GULP1: variants seen among roughly 807,000 people sequenced by gnomAD.
GULP1 encodes PTB domain-containing engulfment adapter protein 1.
A neutral mutation model predicts 40.9 loss-of-function variants in GULP1; 19 were observed. The ratio of observed to expected loss-of-function variants is 0.46; its 90% CI spans 0.32 to 0.68. The LOEUF (loss-of-function observed/expected upper bound fraction) is 0.68, where lower values mean the gene tolerates loss of function less well. Among genes scored for constraint, GULP1 ranks in the 30% least tolerant of loss-of-function variants. The probability of loss-of-function intolerance (pLI) is 0.03; values close to 1 mark genes in which losing one functional copy is unlikely to be tolerated. For synonymous variants in GULP1, 119 were observed against 117.6 expected (o/e 1.01, Z -0.08); for missense variants, 312 against 362.2 (o/e 0.86, Z 1.12).
At chr2:188,408,808 A>C (rs553493124) in intron 2 of GULP1, among the ~76,000 whole-genome samples, 1 of 152,244 alleles carries the variant, frequency 6.6e-6, no homozygotes, top group Non-Finnish European at 1.5e-5. Flanking sequence ...GAATGAAGTC[A>C]TTTCAAGTAT....
intron 1 of GULP1, among the ~76,000 whole-genome samples, chr2:188,373,123 A>C (rs917874625): frequency 6.6e-6 from 1 of 151,788 alleles, no homozygotes; most frequent in Non-Finnish European, 1.5e-5. Context: ...CCTCTTTCTT[A>C]AGTAGTCATA....
chr2:188,450,388 T>C (rs1482055325), intron 2 of GULP1, among the ~76,000 whole-genome samples: 2 of 152,152 alleles, frequency 1.3e-5, no homozygotes, highest in South Asian at 2.1e-4. Flanking sequence ...ATTGTAAGCA[T>C]TCTTTTTAAA....
chr2:188,413,226 T>G (rs1315201374), intron 2 of GULP1, among the ~76,000 whole-genome samples: 3 of 152,172 alleles, frequency 2.0e-5, no homozygotes, highest in African/African-American at 7.2e-5. Context: ...GATCACTGGG[T>G]CAAATGGTGT....
Position 188,305,272 on chromosome 2 carries a change from T to A in GULP1, c.-172+13106T>A, listed in dbSNP as rs144600108. ...CATGCCTTCCCTGGGTGGGCCACCC[T>A]CCAAGAACCTCTACATGTTCAGCTA... On this transcript the variant is annotated intron_variant, in intron 1 of 11. Coordinates refer to ENST00000409830, the MANE Select transcript of GULP1 (RefSeq NM_016315.4). Among the ~76,000 whole-genome samples, 42 of 152,338 alleles carry A rather than the reference T, an allele frequency of 2.8e-4. No individual in the cohort carries two copies. In the East Asian group the frequency reaches 3.3e-3, roughly 12 times the overall value.
Position 188,514,635 on chromosome 2 carries a change from G to A in GULP1, c.91-8121G>A, listed in dbSNP as rs538475388. On this transcript the variant is annotated intron_variant, in intron 4 of 11. Transcript: ENST00000409830. ...ACATTATACTCCTTTTTTCATCATT[G>A]CTAATTTTTTTTGTTTTCTCACATG... 3.3e-5 allele frequency among the ~76,000 whole-genome samples: 5 copies of A among 152,050 alleles called. No homozygotes were observed. The East Asian group carries it at 9.7e-4, about 29-fold the overall frequency.
At chr2:188,317,858 A>C (rs2039355721) in intron 1 of GULP1, among the ~76,000 whole-genome samples, 1 of 152,026 alleles carries the variant, frequency 6.6e-6, no homozygotes, top group Non-Finnish European at 1.5e-5. Context: ...TGGAATGAGA[A>C]AAGTTTTTCT....
intron 2 of GULP1, among the ~76,000 whole-genome samples, chr2:188,402,425 A>G: frequency 6.6e-6 from 1 of 152,134 alleles, no homozygotes; most frequent in East Asian, 1.9e-4. Flanking sequence ...CTATGAAATA[A>G]GCAGACCCTC....
chr2:188,360,306 A>C (rs1359682101), intron 1 of GULP1, among the ~76,000 whole-genome samples: 1 of 152,120 alleles, frequency 6.6e-6, no homozygotes, highest in Non-Finnish European at 1.5e-5. Context: ...TCACAACCCA[A>C]AAAGTCTATA....
In GULP1 at chr2:188,513,279, C is replaced by T. The variant is rs183847802; in HGVS notation, c.91-9477C>T. 2.0e-4 allele frequency among the ~76,000 whole-genome samples: 31 copies of T among 152,216 alleles called. 1 individual carries two copies. Among genetic ancestry groups the T allele is most frequent in the African/African-American group, 7.2e-4 (30 of 41,564 alleles). Reference sequence around the variant, plus strand: ...ACACAAAACATTTTTAGATCAATGACTACATCTTACCTTTTATAATCTAAT... The same window carrying T: ...ACACAAAACATTTTTAGATCAATGATTACATCTTACCTTTTATAATCTAAT... On this transcript the variant is annotated intron_variant, in intron 4 of 11. Coordinates refer to ENST00000409830, the MANE Select transcript of GULP1 (RefSeq NM_016315.4).
intron 1 of GULP1, among the ~76,000 whole-genome samples, chr2:188,335,644 C>T (rs191909227): frequency 1.1e-3 from 166 of 152,216 alleles, no homozygotes; most frequent in African/African-American, 3.8e-3. Flanking sequence ...CAGTGACTTC[C>T]GTGTCTATAG....
At position 188,476,823 on chromosome 2, in the gene GULP1, A is replaced by G. The variant is rs572142628; in HGVS notation, c.-44-836A>G. ...ATGCAGTACCAATAAATATTTAATCATAACTTTCTTCTTAGACCTTAATGT... is the reference window on the plus strand; with the variant it reads ...ATGCAGTACCAATAAATATTTAATCGTAACTTTCTTCTTAGACCTTAATGT... On this transcript the variant is annotated intron_variant, in intron 2 of 11. Coordinates refer to ENST00000409830, the MANE Select transcript of GULP1 (RefSeq NM_016315.4). Among the ~76,000 whole-genome samples the G allele has an allele frequency of 9.4e-4, 143 of 152,282 alleles. 1 individual carries two copies. Among genetic ancestry groups the G allele is most frequent in the Non-Finnish European group, 5.1e-4 (35 of 68,018 alleles).
intron 2 of GULP1, among the ~76,000 whole-genome samples, chr2:188,440,751 T>A (rs1052210581): frequency 6.6e-6 from 1 of 152,206 alleles, no homozygotes; most frequent in Non-Finnish European, 1.5e-5. Context: ...CCAAGTTGTT[T>A]GTTATCAACT....
chr2:188,520,494 C>T (rs2065635017), intron 4 of GULP1, among the ~76,000 whole-genome samples: 1 of 149,158 alleles, frequency 6.7e-6, no homozygotes, highest in East Asian at 2.0e-4. Flanking sequence ...TGCACCACTG[C>T]ACTCCAGCCT....
intron 2 of GULP1, among the ~76,000 whole-genome samples, chr2:188,418,784 T>C (rs973344555): frequency 6.6e-6 from 1 of 152,252 alleles, no homozygotes; most frequent in African/African-American, 2.4e-5. Context: ...TAATACATTA[T>C]TGTTGACTAT....
chr2:188,435,693 G>T (rs1366868954), intron 2 of GULP1, among the ~76,000 whole-genome samples: 1 of 152,076 alleles, frequency 6.6e-6, no homozygotes, highest in African/African-American at 2.4e-5. Context: ...CTCTACTAGA[G>T]AAGAATCTGC....
intron 6 of GULP1, among the ~76,000 whole-genome samples, chr2:188,539,904 T>G (rs374036521): frequency 6.6e-6 from 1 of 152,106 alleles, no homozygotes; most frequent in African/African-American, 2.4e-5. Context: ...TCTCTGAGAT[T>G]TTGATTCAAC....
At chr2:188,560,623 G>T (rs1174321694) in intron 7 of GULP1, among the ~76,000 whole-genome samples, 3 of 152,190 alleles carry the variant, frequency 2.0e-5, no homozygotes, top group Non-Finnish European at 4.4e-5. Context: ...TTGCTATAAA[G>T]ATATACCTAA....
At chr2:188,527,787 G>A (rs1686562823) in intron 5 of GULP1, among the ~76,000 whole-genome samples, 1 of 152,154 alleles carries the variant, frequency 6.6e-6, no homozygotes, top group Admixed American at 6.6e-5. Context: ...ATTATGTGTG[G>A]CAGTGCAAAG....
At chr2:188,306,442 T>C (rs1304237991) in intron 1 of GULP1, among the ~76,000 whole-genome samples, 2 of 152,218 alleles carry the variant, frequency 1.3e-5, no homozygotes, top group African/African-American at 4.8e-5. Flanking sequence ...ATTTGATCTC[T>C]GTGGTATTTG....
Sources: gnomAD v4.1 joint callset for allele counts (sites outside exome capture counted in the v4.1 genomes callset) on GRCh38, gnomAD v4.1.1 for gene constraint, MANE v1.5 for transcripts, NCBI Gene and HGNC (gene_info 2026-07-23, HGNC 2026-07-21) for gene names.